MAP2: variants seen among roughly 807,000 people sequenced by gnomAD.
MAP2 encodes the protein microtubule-associated protein 2.
MAP2 carries 14 observed loss-of-function variants against 137.6 expected under a neutral mutation model. The ratio of observed to expected loss-of-function variants is 0.10; its 90% confidence interval spans 0.07 to 0.16. The LOEUF (loss-of-function observed/expected upper bound fraction) is 0.16. Among genes scored for constraint, MAP2 ranks in the 10% least tolerant of loss-of-function variants. The probability of loss-of-function intolerance (pLI) is 1.00; values close to 1 mark genes in which losing one functional copy is unlikely to be tolerated. For synonymous variants in MAP2, 786 were observed against 782.3 expected (o/e 1.00, Z -0.08); for missense variants, 2,088 against 2,191.5 (o/e 0.95, Z 0.94).
chr2:209,686,411 T>A (rs1456559860), intron 7 of MAP2, among the ~76,000 whole-genome samples: 1 of 152,210 alleles, frequency 6.6e-6, no homozygotes, highest in African/African-American at 2.4e-5. Context: ...TAAGTTACTG[T>A]CCTAAAAATA....
At chr2:209,593,536 A>C (rs2079878445) in intron 3 of MAP2, among the ~76,000 whole-genome samples, 1 of 137,362 alleles carries the variant, frequency 7.3e-6, no homozygotes, top group South Asian at 2.3e-4. Context: ...TAAACTCAGC[A>C]CTTTAGGAGG....
At chr2:209,726,006 A>C (rs543098372) in intron 14 of MAP2, among the ~76,000 whole-genome samples, 1 of 152,314 alleles carries the variant, frequency 6.6e-6, no homozygotes, top group South Asian at 2.1e-4. Context: ...CATTTTAATT[A>C]AAAATTAAAA....
At chr2:209,461,245 A>G (rs1046907874) in intron 1 of MAP2, among the ~76,000 whole-genome samples, 1 of 152,220 alleles carries the variant, frequency 6.6e-6, no homozygotes, top group African/African-American at 2.4e-5. Flanking sequence ...CTACATGACT[A>G]CTTACATTTG....
At chr2:209,429,649 C>T (rs983236010) in intron 1 of MAP2, among the ~76,000 whole-genome samples, 2 of 152,142 alleles carry the variant, frequency 1.3e-5, no homozygotes, top group Admixed American at 6.5e-5. Context: ...GATATTTCAT[C>T]GCTTAACTGT....
At chr2:209,656,235 G>A (rs1397862496) in intron 5 of MAP2, among the ~76,000 whole-genome samples, 1 of 152,138 alleles carries the variant, frequency 6.6e-6, no homozygotes, top group Non-Finnish European at 1.5e-5. Context: ...ATTTAAATTG[G>A]CTGGGTGCAG....
intron 1 of MAP2, among the ~76,000 whole-genome samples, chr2:209,430,251 A>G (rs1263909047): frequency 6.6e-6 from 1 of 151,462 alleles, no homozygotes; most frequent in Non-Finnish European, 1.5e-5. Flanking sequence ...AATCTGTAGC[A>G]TACAATTTCT....
chr2:209,447,523 T>G (rs1291411247), intron 1 of MAP2, among the ~76,000 whole-genome samples: 1 of 152,054 alleles, frequency 6.6e-6, no homozygotes, highest in African/African-American at 2.4e-5. Flanking sequence ...TATGGAGAAA[T>G]TCTTACTAAA....
chr2:209,727,578 G>A (rs997114477), intron 14 of MAP2, among the ~76,000 whole-genome samples: 2 of 152,214 alleles, frequency 1.3e-5, no homozygotes, highest in Non-Finnish European at 2.9e-5. Flanking sequence ...TCATAAAGAA[G>A]TGTAAGCATA....
intron 13 of MAP2, among the ~76,000 whole-genome samples, chr2:209,711,791 A>T (rs1026650272): frequency 6.6e-6 from 1 of 152,164 alleles, no homozygotes; most frequent in Admixed American, 6.5e-5. Context: ...TCTGCATTTT[A>T]GCCTTGGACA....
intron 1 of MAP2, among the ~76,000 whole-genome samples, chr2:209,427,010 TGTA>T (rs1692733402): frequency 6.6e-6 from 1 of 152,260 alleles, no homozygotes. Context: ...TATTAACAAA[TGTA>T]GTTGCACTGT....
chr2:209,550,415 A>C (rs904651507), intron 2 of MAP2, among the ~76,000 whole-genome samples: 3 of 152,140 alleles, frequency 2.0e-5, no homozygotes, highest in Non-Finnish European at 4.4e-5. Context: ...TTTAAAATAT[A>C]TTATTAGGTC....
intron 1 of MAP2, among the ~76,000 whole-genome samples, chr2:209,470,721 C>T (rs1293866617): frequency 3.3e-5 from 5 of 152,044 alleles, no homozygotes; most frequent in African/African-American, 7.2e-5. Context: ...CAGCTAGGGG[C>T]GCTTGGTGTG....
chr2:209,704,666 G>A (rs2062846299), intron 11 of MAP2: 1 of 1,506,848 alleles, frequency 6.6e-7, no homozygotes, highest in Non-Finnish European at 8.9e-7. Context: ...ATAGAATTTG[G>A]GAGAAGGTTA....
At chr2:209,468,366 G>A (rs1704722695) in intron 1 of MAP2, among the ~76,000 whole-genome samples, 1 of 135,086 alleles carries the variant, frequency 7.4e-6, no homozygotes, top group Non-Finnish European at 1.5e-5. Context: ...TGTCACCCAG[G>A]CTGGAGTGCA....
chr2:209,449,461 A>T (rs1342305227), intron 1 of MAP2, among the ~76,000 whole-genome samples: 1 of 152,138 alleles, frequency 6.6e-6, no homozygotes, highest in African/African-American at 2.4e-5. Context: ...AAACCTTTTC[A>T]TGACATACCT....
intron 1 of MAP2, among the ~76,000 whole-genome samples, chr2:209,481,762 A>G (rs1708839468): frequency 6.6e-6 from 1 of 152,224 alleles, no homozygotes; most frequent in South Asian, 2.1e-4. Context: ...GGGAATTATG[A>G]TAGTAGAATA....
At chr2:209,713,732 G>A (rs540277260) in intron 13 of MAP2, among the ~76,000 whole-genome samples, 19 of 152,240 alleles carry the variant, frequency 1.2e-4, no homozygotes, top group African/African-American at 4.1e-4. Flanking sequence ...CTCTAAACAC[G>A]TAGCATAAAA....
At chr2:209,646,666 T>G (rs1249563874) in intron 4 of MAP2, among the ~76,000 whole-genome samples, 2 of 152,166 alleles carry the variant, frequency 1.3e-5, no homozygotes, top group Non-Finnish European at 2.9e-5. Context: ...ATTATCATAT[T>G]AGATAGTTTC....
chr2:209,649,217 A>G (rs1203867339), intron 4 of MAP2, among the ~76,000 whole-genome samples: 2 of 151,974 alleles, frequency 1.3e-5, no homozygotes, highest in African/African-American at 4.8e-5. Flanking sequence ...GGGTCTCACT[A>G]TGTTGATCAG....
Sources: allele counts gnomAD v4.1 joint callset (sites outside exome capture counted in the v4.1 genomes callset), GRCh38; gene constraint gnomAD v4.1.1; transcripts MANE v1.5; gene names NCBI Gene and HGNC (gene_info 2026-07-23, HGNC 2026-07-21).